The following GLIS3 variants were observed in gnomAD, a reference collection of about 807,000 sequenced individuals.
GLIS3 encodes the protein GLIS family zinc finger 3.
GLIS3 carries 53 observed loss-of-function variants against 78.6 expected under a neutral mutation model. The ratio of observed to expected loss-of-function variants is 0.67; its 90% CI spans 0.54 to 0.85. The LOEUF is 0.85. Among genes scored for constraint, GLIS3 ranks in the 40% least tolerant of loss-of-function variants. GLIS3 has a pLI of 0.00. For missense variants in GLIS3, 1,703 were observed against 1,231.1 expected, an observed-to-expected ratio of 1.38 and a Z score of -5.74; for synonymous variants, 684 against 509.9, an observed-to-expected ratio of 1.34 and a Z score of -4.60.
intron 2 of GLIS3, among the ~76,000 whole-genome samples, chr9:4,320,181 G>A (rs755132928): frequency 7.2e-5 from 11 of 152,146 alleles, no homozygotes; most frequent in Non-Finnish European, 1.3e-4. Context: ...GTTTTTTATA[G>A]GTCAACAAAT....
intron 4 of GLIS3, among the ~76,000 whole-genome samples, chr9:4,023,588 C>G (rs749395244): frequency 6.6e-6 from 1 of 151,992 alleles, no homozygotes; most frequent in Non-Finnish European, 1.5e-5. Flanking sequence ...TTGTGGCCCA[C>G]AGAGCGAGCA....
intron 5 of GLIS3, among the ~76,000 whole-genome samples, chr9:3,936,428 G>C (rs1272334266): frequency 6.6e-6 from 1 of 152,178 alleles, no homozygotes; most frequent in African/African-American, 2.4e-5. Context: ...TGATGTCAAA[G>C]AATATGTGGC....
chr9:4,037,152 A>G (rs931387604), intron 4 of GLIS3, among the ~76,000 whole-genome samples: 3 of 152,238 alleles, frequency 2.0e-5, no homozygotes, highest in African/African-American at 7.2e-5. Context: ...ATTAAATGAA[A>G]TGACATGTGA....
chr9:4,439,766 C>T, the GLIS3 span, among the ~76,000 whole-genome samples: 2 of 152,042 alleles, frequency 1.3e-5, no homozygotes, highest in African/African-American at 2.4e-5. Context: ...TATTTGGGAA[C>T]CTTCCCAACT....
At chr9:4,336,349 G>C (rs1445751297) in intron 2 of GLIS3, among the ~76,000 whole-genome samples, 2 of 152,152 alleles carry the variant, frequency 1.3e-5, no homozygotes, top group African/African-American at 2.4e-5. Flanking sequence ...GCTGTAACTA[G>C]CATTAAAGTT....
intron 4 of GLIS3, among the ~76,000 whole-genome samples, chr9:3,996,915 G>A (rs766097022): frequency 2.6e-5 from 4 of 152,076 alleles, no homozygotes; most frequent in African/African-American, 7.2e-5. Flanking sequence ...AAACTGAGAT[G>A]ACAAATGATA....
At chr9:4,185,892 C>G (rs1030000972) in intron 2 of GLIS3, among the ~76,000 whole-genome samples, 1 of 152,202 alleles carries the variant, frequency 6.6e-6, no homozygotes, top group African/African-American at 2.4e-5. Flanking sequence ...CCACACAAAC[C>G]AGCCTTTCAG....
upstream of GLIS3, among the ~76,000 whole-genome samples, chr9:4,304,158 G>A (rs1036225366): frequency 1.4e-4 from 21 of 152,190 alleles, no homozygotes; most frequent in African/African-American, 5.1e-4. Context: ...TCATTGTTAT[G>A]TATGTGTATA....
At chr9:4,009,303 A>G (rs1390667666) in intron 4 of GLIS3, among the ~76,000 whole-genome samples, 1 of 152,154 alleles carries the variant, frequency 6.6e-6, no homozygotes, top group Non-Finnish European at 1.5e-5. Context: ...AAGGTGGTTC[A>G]TGCTTATTGT....
intron 2 of GLIS3, among the ~76,000 whole-genome samples, chr9:4,207,273 C>T (rs181325809): frequency 6.6e-6 from 1 of 152,270 alleles, no homozygotes; most frequent in Non-Finnish European, 1.5e-5. Flanking sequence ...CTCTGCCAGC[C>T]CCACTAAACT....
chr9:3,868,939 G>T (rs1364299603), intron 8 of GLIS3, among the ~76,000 whole-genome samples: 7 of 152,070 alleles, frequency 4.6e-5, no homozygotes, highest in Non-Finnish European at 2.9e-5. Flanking sequence ...CCAATTTTGG[G>T]TTATGTGCTC....
intron 7 of GLIS3, among the ~76,000 whole-genome samples, chr9:3,883,437 C>T (rs1013700497): frequency 6.6e-6 from 1 of 152,160 alleles, no homozygotes; most frequent in Admixed American, 6.5e-5. Context: ...TCAGGTTTTG[C>T]CAAGTGATTT....
intron 6 of GLIS3, among the ~76,000 whole-genome samples, chr9:3,918,535 C>A (rs1488170229): frequency 6.6e-6 from 1 of 152,172 alleles, no homozygotes; most frequent in African/African-American, 2.4e-5. Context: ...ACTTAAACAA[C>A]TGGCATAAGA....
At position 4,332,317 on chromosome 9, in the gene GLIS3, C is replaced by A. The variant is rs182422884; in HGVS notation, n.264+14764G>T. Among the ~76,000 whole-genome samples, 49 of 152,324 alleles carry A rather than the reference C, an allele frequency of 3.2e-4. No homozygotes were observed. The East Asian group carries it at 8.5e-3, about 26-fold the overall frequency. On this transcript the variant is annotated intron_variant and non_coding_transcript_variant, in intron 2 of 4. Coordinates refer to the GLIS3 transcript ENST00000471664. ...AGGTTTTGGAGGCAGGGACTGTTAA[C>A]TGGCCCTCATTACCCACTATCACCT... is the stretch of plus-strand genomic sequence containing the variant.
intron 4 of GLIS3, among the ~76,000 whole-genome samples, chr9:4,062,086 T>G (rs944867410): frequency 6.6e-6 from 1 of 152,222 alleles, no homozygotes; most frequent in African/African-American, 2.4e-5. Flanking sequence ...AAGACTGAAT[T>G]ACTTCCTTGC....
At chr9:4,280,460 T>C (rs536333266) in intron 2 of GLIS3, among the ~76,000 whole-genome samples, 3 of 152,356 alleles carry the variant, frequency 2.0e-5, no homozygotes, top group African/African-American at 7.2e-5. Context: ...TGTCTGCAAC[T>C]TACTTTCAAG....
chr9:4,117,704 AC>A, intron 4 of GLIS3, 63 bp downstream of exon 4: 1 of 1,598,020 alleles, frequency 6.3e-7, no homozygotes, highest in Non-Finnish European at 8.6e-7. Context: ...TTAGGAAAAA[AC>A]ACACGTACGC....
chr9:3,893,542 T>C (rs1350330770), intron 7 of GLIS3, among the ~76,000 whole-genome samples: 1 of 152,152 alleles, frequency 6.6e-6, no homozygotes, highest in East Asian at 1.9e-4. Flanking sequence ...TATCCACCTA[T>C]AGGTTTTATG....
chr9:4,401,736 T>C, the GLIS3 span, among the ~76,000 whole-genome samples: 1 of 151,700 alleles, frequency 6.6e-6, no homozygotes, highest in Non-Finnish European at 1.5e-5. Context: ...GGACTACAGG[T>C]GCATGCTACC....
Sources: gnomAD v4.1 joint callset for allele counts (sites outside exome capture counted in the v4.1 genomes callset) on GRCh38, gnomAD v4.1.1 for gene constraint, MANE v1.5 for transcripts, NCBI Gene and HGNC (gene_info 2026-07-23, HGNC 2026-07-21) for gene names.